Variants in RNF128 observed in about 807,000 individuals in gnomAD.
The protein encoded by RNF128 is ring finger protein 128, also known as E3 ubiquitin-protein ligase RNF128.
RNF128 carries 13 observed loss-of-function variants against 26.2 expected under a neutral mutation model. The ratio of observed to expected loss-of-function variants is 0.50; its 90% CI spans 0.32 to 0.79. The LOEUF (loss-of-function observed/expected upper bound fraction) is 0.79, where lower values mean the gene tolerates loss of function less well. RNF128 is among the 30% of genes least tolerant of loss of function. The pLI is 0.03. For synonymous variants in RNF128, 149 were observed against 142.5 expected (o/e 1.05, Z -0.32); for missense variants, 315 against 349.7 (o/e 0.90, Z 0.79).
At chrX:106,706,816 C>T (rs925252998) in intron 1 of RNF128, among the ~76,000 whole-genome samples, 1 of 112,160 alleles carries the variant, frequency 8.9e-6, no homozygotes, top group Non-Finnish European at 1.9e-5. Context: ...AAAGAAGGCA[C>T]TTTGCACAAT....
At chrX:106,719,646 T>C (rs1929278312) in intron 1 of RNF128, among the ~76,000 whole-genome samples, 1 of 111,897 alleles carries the variant, frequency 8.9e-6, no homozygotes, top group Non-Finnish European at 1.9e-5. Flanking sequence ...ATCATAGATA[T>C]TTATTTTAGA....
In RNF128 at chrX:106,773,571, T is replaced by C. The variant is rs745545719; in HGVS notation, c.732+411T>C. Among the ~76,000 whole-genome samples, 12 of 110,890 alleles carry C rather than the reference T, an allele frequency of 1.1e-4. No homozygotes were observed. The East Asian group carries it at 3.4e-3, about 32-fold the overall frequency. On this transcript the variant is annotated intron_variant, in intron 2 of 6. Transcript: ENST00000255499. ...TATAACTATAGTCATCGCCCAAAGG[T>C]AACCACTATTATTTTATATGTACGT...
rs1395790168 is a variant in RNF128 at position 106,728,836 on chromosome X, A to G, written c.484+1439A>G. ...AAAACAAAAGTAGATGAACTCTAAG[A>G]TCCCTTTCAGATCTAAAATGCTATG... On this transcript the variant is annotated intron_variant, in intron 1 of 6. Transcript: ENST00000255499. Among the ~76,000 whole-genome samples, 6 of 112,123 alleles carry G rather than the reference A, an allele frequency of 5.4e-5. No individual in the cohort carries two copies. The East Asian group carries it at 1.7e-3, about 31-fold the overall frequency.
At chrX:106,730,962 T>A (rs149055315) in intron 1 of RNF128, among the ~76,000 whole-genome samples, 5,987 of 111,634 alleles carry the variant, frequency 0.054, 214 homozygotes, top group Non-Finnish European at 0.089. Flanking sequence ...TGCCAATTAG[T>A]ATTTTTTAAA....
chrX:106,755,441 A>G (rs1204738596), intron 1 of RNF128, among the ~76,000 whole-genome samples: 4 of 110,775 alleles, frequency 3.6e-5, no homozygotes, highest in African/African-American at 1.3e-4. Context: ...CCAAAACCAG[A>G]CAAAGACATA....
At chrX:106,732,841 C>A (rs1929522872) in intron 1 of RNF128, among the ~76,000 whole-genome samples, 1 of 111,270 alleles carries the variant, frequency 9.0e-6, no homozygotes, top group African/African-American at 3.3e-5. Flanking sequence ...AAAACTACAC[C>A]AGCATTATAT....
intron 1 of RNF128, among the ~76,000 whole-genome samples, chrX:106,749,387 A>T (rs993983461): frequency 2.7e-5 from 3 of 112,261 alleles, no homozygotes; most frequent in African/African-American, 9.7e-5. Flanking sequence ...AAGGATAGAA[A>T]AAAGCTAAAG....
Position 106,796,935 on chromosome X carries a change from G to A in RNF128, c.*1222G>A, listed in dbSNP as rs960147059. 8.9e-6 allele frequency: 1 copy of A among 111,949 alleles called. No individual in the cohort carries two copies. The highest frequency in any genetic ancestry group is 1.9e-5 in the Non-Finnish European group (1 of 53,068). 9.2% of individuals were successfully genotyped at this position (111,949 alleles called of 1,213,427 possible). ...CACTGATTTGAAATGCTGTAAATAT[G>A]TCCCAATTTGTATTGATTCTCTTTA... On this transcript the variant is annotated 3_prime_UTR_variant, in exon 7 of 7. Transcript: ENST00000255499.
rs777828109 is a variant in RNF128, at chrX:106,791,216, G to C, written c.1135G>C (p.Glu379Gln). The C allele has an allele frequency of 2.2e-5, 27 of 1,206,090 alleles. No individual in the cohort carries two copies. In the East Asian group the frequency reaches 7.7e-4, roughly 34 times the overall value. The change falls in exon 6 of 7, where the codon GAA (glutamate) becomes CAA (glutamine). Residue 379 changes from glutamate to glutamine, a missense_variant. Transcript: ENST00000255499. ...GGGAACAGATGAACCGCCTCTGGAG[G>C]AACACGTGCAGTCAACAAGTAAGCA... ...VQGTDEPPLE[E>Q]HVQSTNESLQ...
chrX:106,728,281 T>C (rs7890657), intron 1 of RNF128, among the ~76,000 whole-genome samples: 70 of 111,393 alleles, frequency 6.3e-4, no homozygotes, highest in African/African-American at 2.1e-3. Context: ...GTAATAGCAG[T>C]GTATCATAGT....
intron 1 of RNF128, among the ~76,000 whole-genome samples, chrX:106,707,051 C>T (rs1480527918): frequency 8.9e-6 from 1 of 112,065 alleles, no homozygotes; most frequent in Non-Finnish European, 1.9e-5. Flanking sequence ...ATACATAGTT[C>T]GGGTCATGCT....
intron 1 of RNF128, among the ~76,000 whole-genome samples, chrX:106,769,546 G>GTTTTTTTTTTTTTTTT (rs752900867): frequency 1.2e-4 from 8 of 65,109 alleles, no homozygotes; most frequent in South Asian, 1.2e-3. Context: ...CACCTGCTTT[G>GTTTTTTTTTTTTTTTT]TTTTTTTTTT....
chrX:106,728,727 C>T (rs756464915), intron 1 of RNF128, among the ~76,000 whole-genome samples: 1 of 111,730 alleles, frequency 9.0e-6, no homozygotes, highest in Non-Finnish European at 1.9e-5. Context: ...TTGCCTCTAC[C>T]GACTTTGTAA....
At chrX:106,735,482 G>T (rs1275338044) in intron 1 of RNF128, among the ~76,000 whole-genome samples, 2 of 111,697 alleles carry the variant, frequency 1.8e-5, no homozygotes, top group African/African-American at 6.5e-5. Context: ...TATTGTTGGT[G>T]AAATTATAGG....
At chrX:106,740,536 C>T (rs1407156187) in intron 1 of RNF128, among the ~76,000 whole-genome samples, 1 of 111,624 alleles carries the variant, frequency 9.0e-6, no homozygotes, top group Non-Finnish European at 1.9e-5. Flanking sequence ...TTTACAAGGG[C>T]TCACATTATA....
chrX:106,756,576 A>C (rs1420985829), intron 1 of RNF128, among the ~76,000 whole-genome samples: 1 of 109,692 alleles, frequency 9.1e-6, no homozygotes. Flanking sequence ...CACCTTATAC[A>C]AAAATCAATT....
chrX:106,700,600 G>A (rs1012945573), intron 1 of RNF128, among the ~76,000 whole-genome samples: 13 of 111,831 alleles, frequency 1.2e-4, no homozygotes, highest in Non-Finnish European at 2.1e-4. Flanking sequence ...AGTAATAAAT[G>A]AGTAGTTTCT....
At chrX:106,739,419 A>G (rs1929659578) in intron 1 of RNF128, among the ~76,000 whole-genome samples, 1 of 111,413 alleles carries the variant, frequency 9.0e-6, no homozygotes, top group South Asian at 3.8e-4. Context: ...ATGGCCTCCC[A>G]AAGTGGTGGG....
At position 106,788,010 on chromosome X, in the gene RNF128, A is replaced by C; in HGVS notation, c.887+10A>C. 2 of 1,056,017 alleles carry C rather than the reference A, an allele frequency of 1.9e-6. No homozygotes were observed. Among genetic ancestry groups the C allele is most frequent in the Non-Finnish European group, 2.5e-6 (2 of 785,085 alleles). 87.0% of individuals were successfully genotyped at this position (1,056,017 alleles called of 1,213,427 possible). A position where few individuals can be genotyped will look rare whatever the true frequency, so the allele number is the denominator to read the frequency against. ...GCATCTTAACGTGCAAGTAAGTTTG[A>C]TTTTCTTCTATATCTTCAATAAAAT... On this transcript the variant is annotated intron_variant, in intron 4 of 6. Coordinates refer to ENST00000255499, the MANE Select transcript of RNF128 (RefSeq NM_194463.2).
Sources: allele counts gnomAD v4.1 joint callset (sites outside exome capture counted in the v4.1 genomes callset), GRCh38; gene constraint gnomAD v4.1.1; transcripts MANE v1.5; gene names NCBI Gene and HGNC (gene_info 2026-07-23, HGNC 2026-07-21).